The following ZNF746 variants were observed in gnomAD, a reference collection of about 807,000 sequenced individuals.
ZNF746 encodes the protein zinc finger protein 746.
A neutral mutation model predicts 41.0 loss-of-function variants in ZNF746; 13 were observed. The observed-to-expected ratio is 0.32, with a 90% CI of 0.21 to 0.50. ZNF746 has a LOEUF of 0.50. Ranked by LOEUF, ZNF746 falls within the 20% of genes least tolerant of loss-of-function variation. The pLI, the probability that ZNF746 is intolerant of heterozygous loss-of-function variation, is 0.98. For synonymous variants in ZNF746, 424 were observed against 396.2 expected (o/e 1.07, Z -0.83); for missense variants, 811 against 922.9 (o/e 0.88, Z 1.57).
intron 4 of ZNF746, chr7:149,490,372 A>C (rs1484369652): frequency 6.6e-6 from 1 of 152,224 alleles, no homozygotes; most frequent in Non-Finnish European, 1.5e-5. Context: ...ACCAGCAGCC[A>C]GCTTACCTGG....
At chr7:149,492,130 C>T (rs1209224393) in intron 4 of ZNF746, among the ~76,000 whole-genome samples, 1 of 152,164 alleles carries the variant, frequency 6.6e-6, no homozygotes, top group Non-Finnish European at 1.5e-5. Context: ...CAATATACAG[C>T]TGACCTTGAA....
At chr7:149,480,239 C>G (rs1429677425) in intron 4 of ZNF746, among the ~76,000 whole-genome samples, 2 of 152,072 alleles carry the variant, frequency 1.3e-5, no homozygotes, top group African/African-American at 4.8e-5. Context: ...AAATCATGAA[C>G]TGGAGAATAT....
chr7:149,495,391 C>T (rs1397404503), intron 1 of ZNF746, among the ~76,000 whole-genome samples: 2 of 152,280 alleles, frequency 1.3e-5, no homozygotes, highest in South Asian at 2.1e-4. Context: ...ATATGGACAG[C>T]AACCATCTTA....
chr7:149,478,542 G>T (rs1800388017), intron 4 of ZNF746, among the ~76,000 whole-genome samples: 1 of 152,220 alleles, frequency 6.6e-6, no homozygotes, highest in Non-Finnish European at 1.5e-5. Context: ...CAACTCAGGA[G>T]GCCCCAGCAT....
rs375546838 is a variant in ZNF746, at chr7:149,474,371, G to T, written c.*13C>A. 580 of 1,596,238 alleles carry T rather than the reference G, an allele frequency of 3.6e-4. 1 individual carries two copies. In the African/African-American group the frequency reaches 7.1e-3, roughly 19 times the overall value. On this transcript the variant is annotated 3_prime_UTR_variant, in exon 7 of 7. Transcript: ENST00000458143. The surrounding 1 kb of genome is among the most constrained non-coding windows in gnomAD (Gnocchi z 6.3). ...ACACGTGCGGCCGGCAGGGGCTATG[G>T]GGCTGGAGGCGCTCACATGTCCCCG...
chr7:149,491,083 G>C (rs1326036116), intron 4 of ZNF746: 1 of 152,952 alleles, frequency 6.5e-6, no homozygotes, highest in African/African-American at 2.4e-5. Context: ...AGAAGGGGAG[G>C]TGAGGTCTCA....
chr7:149,476,577 GTTT>G, intron 6 of ZNF746, among the ~76,000 whole-genome samples: 1 of 152,218 alleles, frequency 6.6e-6, no homozygotes, highest in South Asian at 2.1e-4. Context: ...CTAAGAAGTG[GTTT>G]CAGTTCAATT....
At position 149,473,039 on chromosome 7, in the gene ZNF746, T is replaced by G. The variant is rs1282624415; in HGVS notation, c.*1345A>C. On this transcript the variant is annotated 3_prime_UTR_variant, in exon 7 of 7. Transcript: ENST00000458143. ...GCTTCAACAAAACAGGAATGGATATTTGTGTGGTAGGAACAGCACTGTGGT... is the reference window on the plus strand; with the variant it reads ...GCTTCAACAAAACAGGAATGGATATGTGTGTGGTAGGAACAGCACTGTGGT... 2.0e-5 allele frequency: 3 copies of G among 152,126 alleles called. No individual in the cohort carries two copies. The highest frequency in any genetic ancestry group is 2.0e-4 in the Admixed American group (3 of 15,264). The allele number at this position is 152,126 out of a possible 1,614,324, so 9.4% of individuals were successfully genotyped here.
At position 149,474,406 on chromosome 7, in the gene ZNF746, G is replaced by C; in HGVS notation, c.1961C>G (p.Pro654Arg). 25 of 1,609,524 alleles carry C rather than the reference G, an allele frequency of 1.6e-5. No homozygotes were observed. The highest frequency in any genetic ancestry group is 2.1e-5 in the Non-Finnish European group (25 of 1,178,182). ...DWTCGLSVLG[P>R]TDGGDM ...CGCTCACATGTCCCCGCCATCGGTG[G>C]GTCCCAGGACGCTGAGGCCACAAGT... Residue 654 changes from proline to arginine, a missense_variant, in exon 7 of 7, where the codon CCC becomes CGC. Coordinates refer to ENST00000458143, the MANE Select transcript of ZNF746 (RefSeq NM_001394198.1). The surrounding 1 kb of genome is among the most constrained non-coding windows in gnomAD (Gnocchi z 6.3).
At chr7:149,480,403 G>A (rs1006278467) in intron 4 of ZNF746, among the ~76,000 whole-genome samples, 1 of 151,922 alleles carries the variant, frequency 6.6e-6, no homozygotes, top group African/African-American at 2.4e-5. Context: ...CTTTAGAATG[G>A]TGAGAAAAAA....
Position 149,491,916 on chromosome 7 carries a change from G to T in ZNF746, c.565+943C>A. On this transcript the variant is annotated intron_variant, in intron 4 of 6. Transcript: ENST00000458143. ...CCTGTCCTTCCCTTAACTTTCAAAG[G>T]TGCTGACTGGCTCCAGGGAAATCTG... The T allele has an allele frequency of 4.3e-6, 3 of 701,950 alleles. 1 individual carries two copies. The South Asian group carries it at 4.4e-5, about 10-fold the overall frequency. The allele number at this position is 701,950 out of a possible 1,614,324, so 43.5% of individuals were successfully genotyped here. A position where few individuals can be genotyped will look rare whatever the true frequency, so the allele number is the denominator to read the frequency against.
In ZNF746 at chr7:149,494,258, G is replaced by A. The variant is rs1800914324; in HGVS notation, c.270C>T (p.Asn90=). 6.2e-7 allele frequency: 1 copy of A among 1,614,128 alleles called. No individual in the cohort carries two copies. Among genetic ancestry groups the A allele is most frequent in the East Asian group, 2.2e-5 (1 of 44,862 alleles). The change falls in exon 2 of 7, where the codon AAC becomes AAT. Residue 90 remains asparagine (N), a synonymous_variant. Transcript: ENST00000458143. This position sits in a 1 kb window ranked among gnomAD's most constrained non-coding sequence, Gnocchi z 5.6. ...GCAGCCGCAGGATCCAGAAGTTCCTGTTGCGCAGCAGGTTCTCCACGTTCT... is the reference window on the plus strand; with the variant it reads ...GCAGCCGCAGGATCCAGAAGTTCCTATTGCGCAGCAGGTTCTCCACGTTCT... ...RLENVENLLR[N]RNFWILRLPP... is the part of the protein sequence containing the mutation.
At chr7:149,477,119 G>A (rs369522253) in intron 5 of ZNF746, 72 bp from the exon 6 acceptor site, 44 of 1,513,060 alleles carry the variant, frequency 2.9e-5, no homozygotes, top group East Asian at 4.7e-5. Flanking sequence ...TTGGGGAGGA[G>A]AGCAGGCTAA....
In ZNF746 at chr7:149,497,471, G is replaced by A. The variant is rs1221768181; in HGVS notation, c.24+42C>T. ...GTGTGCCGGGGCCGGGCCGCCTGGGGCCCCCAGGCCGCGAGTCCCTGCGCG... is the reference window on the plus strand; with the variant it reads ...GTGTGCCGGGGCCGGGCCGCCTGGGACCCCCAGGCCGCGAGTCCCTGCGCG... On this transcript the variant is annotated intron_variant, in intron 1 of 6. Transcript: ENST00000458143. The surrounding 1 kb of genome is among the most constrained non-coding windows in gnomAD (Gnocchi z 4.2). The A allele has an allele frequency of 3.7e-6, 4 of 1,083,364 alleles. No homozygotes were observed. The highest frequency in any genetic ancestry group is 5.4e-5 in the Admixed American group (1 of 18,668). 67.1% of individuals were successfully genotyped at this position (1,083,364 alleles called of 1,614,324 possible).
In ZNF746 at chr7:149,474,279, G is replaced by T; in HGVS notation, c.*105C>A. On this transcript the variant is annotated 3_prime_UTR_variant, in exon 7 of 7. Transcript: ENST00000458143. The surrounding 1 kb of genome is among the most constrained non-coding windows in gnomAD (Gnocchi z 6.3). ...CATCAGTTCAGCAACTTGGACATTT[G>T]GTTCTCCCCGTCCCGCGTCTGCCTG... is the stretch of plus-strand genomic sequence containing the variant. 2 of 1,322,088 alleles carry T rather than the reference G, an allele frequency of 1.5e-6. No individual in the cohort carries two copies. Among genetic ancestry groups the T allele is most frequent in the Non-Finnish European group, 2.1e-6 (2 of 964,848 alleles). 81.9% of individuals were successfully genotyped at this position (1,322,088 alleles called of 1,614,324 possible). A position where few individuals can be genotyped will look rare whatever the true frequency, so the allele number is the denominator to read the frequency against.
At chr7:149,485,741 C>T (rs771329085) in intron 4 of ZNF746, among the ~76,000 whole-genome samples, 2 of 152,106 alleles carry the variant, frequency 1.3e-5, no homozygotes, top group South Asian at 2.1e-4. Context: ...ATTTAGAATA[C>T]GTAAAGAACA....
intron 4 of ZNF746, among the ~76,000 whole-genome samples, chr7:149,492,263 A>G (rs1452393857): frequency 1.3e-5 from 2 of 152,218 alleles, no homozygotes; most frequent in East Asian, 3.8e-4. Context: ...GAAGAAGACA[A>G]TGAGGAGGAT....
Position 149,475,233 on chromosome 7 carries a change from C to T in ZNF746, c.1134G>A (p.Val378=). Residue 378 remains valine (V), a synonymous_variant, in exon 7 of 7, where the codon GTG becomes GTA. Transcript: ENST00000458143. The part of the protein sequence containing the change: ...ERDMGELSPA[V]AQEETPPGDW... The stretch of plus-strand genomic sequence containing the variant: ...CCCCAGGAGGGGTCTCCTCCTGGGC[C>T]ACAGCAGGACTGAGCTCACCCATGT... The T allele has an allele frequency of 6.2e-7, 1 of 1,612,888 alleles. No homozygotes were observed. Among genetic ancestry groups the T allele is most frequent in the Non-Finnish European group, 8.5e-7 (1 of 1,179,516 alleles).
rs574287116 is a variant in ZNF746, at chr7:149,476,780, C to T, written c.883+142G>A. 268 of 1,131,002 alleles carry T rather than the reference C, an allele frequency of 2.4e-4. 1 individual carries two copies. The highest frequency in any genetic ancestry group is 8.9e-4 in the Middle Eastern group (3 of 3,356). 70.1% of individuals were successfully genotyped at this position (1,131,002 alleles called of 1,614,324 possible). A position where few individuals can be genotyped will look rare whatever the true frequency, so the allele number is the denominator to read the frequency against. On this transcript the variant is annotated intron_variant, in intron 6 of 6. Coordinates refer to ENST00000458143, the MANE Select transcript of ZNF746 (RefSeq NM_001394198.1). ...GCAAGGAGATAAATAACAGAATGTGCAAAGGGTCATAAGAGTGCAGACACC... is the reference window on the plus strand; with the variant it reads ...GCAAGGAGATAAATAACAGAATGTGTAAAGGGTCATAAGAGTGCAGACACC...
Sources: allele counts gnomAD v4.1 joint callset (sites outside exome capture counted in the v4.1 genomes callset), GRCh38; gene constraint gnomAD v4.1.1; non-coding constraint Gnocchi (gnomAD v3.1); transcripts MANE v1.5; gene names NCBI Gene and HGNC (gene_info 2026-07-23, HGNC 2026-07-21).